Variants in KCNQ1 observed in about 807,000 individuals in gnomAD.
The protein encoded by KCNQ1 is potassium voltage-gated channel subfamily KQT member 1.
A neutral mutation model predicts 72.4 loss-of-function variants in KCNQ1; 49 were observed. The ratio of observed to expected loss-of-function variants is 0.68; its 90% CI spans 0.54 to 0.86. The LOEUF is 0.86. Among genes scored for constraint, KCNQ1 ranks in the 40% least tolerant of loss-of-function variants. KCNQ1 has a pLI of 0.00. For synonymous variants in KCNQ1, 450 were observed against 412.6 expected, an observed-to-expected ratio of 1.09 and a Z score of -1.10; for missense variants, 790 against 945.1, an observed-to-expected ratio of 0.84 and a Z score of 2.15.
chr11:2,655,974 G>C, intron 10 of KCNQ1: 3 of 398,690 alleles, frequency 7.5e-6, no homozygotes, highest in Non-Finnish European at 1.3e-5. Flanking sequence ...CCCACTCTGG[G>C]CAGCCAACTG....
rs750764505 is a variant in KCNQ1 at position 2,595,203 on chromosome 11, C to T, written c.1393+6349C>T. 1.3e-5 allele frequency among the ~76,000 whole-genome samples: 2 copies of T among 152,004 alleles called. No homozygotes were observed. The highest frequency in any genetic ancestry group is 2.9e-5 in the Non-Finnish European group (2 of 67,998). The stretch of plus-strand genomic sequence containing the variant: ...TATAAAATAAAACTGTCTTTATTTG[C>T]AGAAGACATGGTTATCTATGTAGAA... On this transcript the variant is annotated intron_variant, in intron 10 of 15. Transcript: ENST00000155840. The surrounding 1 kb of genome is among the most constrained non-coding windows in gnomAD (Gnocchi z 5.0).
chr11:2,534,851 C>T (rs1369125175), intron 2 of KCNQ1, among the ~76,000 whole-genome samples: 1 of 152,242 alleles, frequency 6.6e-6, no homozygotes, highest in Non-Finnish European at 1.5e-5. Flanking sequence ...TACTGTGTGC[C>T]AGGATCTATG....
intron 10 of KCNQ1, among the ~76,000 whole-genome samples, chr11:2,591,712 G>A (rs550810206): frequency 3.9e-5 from 6 of 152,254 alleles, no homozygotes; most frequent in Non-Finnish European, 8.8e-5. Context: ...ATGTTAATGA[G>A]GGGCAAGTGC....
chr11:2,702,701 A>G (rs1320815665), intron 11 of KCNQ1, among the ~76,000 whole-genome samples: 1 of 152,026 alleles, frequency 6.6e-6, no homozygotes, highest in Non-Finnish European at 1.5e-5. Context: ...TTCCCTGACA[A>G]ATTCCCCGCC....
rs1390941298 is a variant in KCNQ1, at chr11:2,541,729, C to T, written c.477+13711C>T. On this transcript the variant is annotated intron_variant, in intron 2 of 15. Coordinates refer to ENST00000155840, the MANE Select transcript of KCNQ1 (RefSeq NM_000218.3). This position sits in a 1 kb window ranked among gnomAD's most constrained non-coding sequence, Gnocchi z 4.8. Reference sequence around the variant, plus strand: ...GTTTTTTTTTTTTTTTAAATGAGGACATCTGTTAGACCACTTAGGAGTTCT... The same window carrying T: ...GTTTTTTTTTTTTTTTAAATGAGGATATCTGTTAGACCACTTAGGAGTTCT... 6.7e-6 allele frequency among the ~76,000 whole-genome samples: 1 copy of T among 149,010 alleles called. No individual in the cohort carries two copies. Among genetic ancestry groups the T allele is most frequent in the South Asian group, 2.1e-4 (1 of 4,728 alleles).
At position 2,725,697 on chromosome 11, in the gene KCNQ1, G is replaced by T. The variant is rs557395929; in HGVS notation, c.1515-43147G>T. Among the ~76,000 whole-genome samples, 1 of 152,094 alleles carries T rather than the reference G, an allele frequency of 6.6e-6. No individual in the cohort carries two copies. Among genetic ancestry groups the T allele is most frequent in the African/African-American group, 2.4e-5 (1 of 41,424 alleles). On this transcript the variant is annotated intron_variant, in intron 11 of 15. Transcript: ENST00000155840. This position sits in a 1 kb window ranked among gnomAD's most constrained non-coding sequence, Gnocchi z 7.2. ...GGCCCACAGGCTGTGCACTCCAGCC[G>T]AGGGCAGCCTGGGGAAGGTACGAGA...
intron 15 of KCNQ1, among the ~76,000 whole-genome samples, chr11:2,834,090 G>A (rs181837107): frequency 9.2e-5 from 14 of 152,330 alleles, no homozygotes; most frequent in African/African-American, 2.4e-4. Flanking sequence ...TGCTGCATTC[G>A]TGCAGGATGG....
intron 1 of KCNQ1, 77 bp downstream of exon 1, chr11:2,445,561 C>T: frequency 6.6e-7 from 1 of 1,517,600 alleles, no homozygotes; most frequent in Non-Finnish European, 8.9e-7. Context: ...GTCCCAGCGC[C>T]ACCTGCCCCG....
intron 6 of KCNQ1, among the ~76,000 whole-genome samples, chr11:2,581,131 G>C (rs1339085601): frequency 6.6e-6 from 1 of 152,228 alleles, no homozygotes; most frequent in South Asian, 2.1e-4. Context: ...CCAGGTTGCA[G>C]GGGCCCTCCG....
chr11:2,763,676 G>A (rs1282087519), intron 11 of KCNQ1, among the ~76,000 whole-genome samples: 1 of 152,062 alleles, frequency 6.6e-6, no homozygotes, highest in Non-Finnish European at 1.5e-5. Context: ...GCCCATCTCA[G>A]CCTCCTGAGT....
At position 2,583,293 on chromosome 11, in the gene KCNQ1, G is replaced by T. The variant is rs144653098; in HGVS notation, c.922-142G>T. The T allele has an allele frequency of 7.2e-4, 517 of 721,672 alleles. 4 individuals are homozygous for T. Among genetic ancestry groups the T allele is most frequent in the African/African-American group, 7.1e-3 (413 of 57,866 alleles). The allele number at this position is 721,672 out of a possible 1,614,324, so 44.7% of individuals were successfully genotyped here. ...CCGCGGCTCTGTTCCTGGTGCTTTC[G>T]CCGAGTCACACGGGGTCGTCCTGGT... On this transcript the variant is annotated intron_variant, in intron 6 of 15. Coordinates refer to ENST00000155840, the MANE Select transcript of KCNQ1 (RefSeq NM_000218.3).
rs74771060 is a variant in KCNQ1 at position 2,468,681 on chromosome 11, C to T, written c.386+23197C>T. Reference sequence around the variant, plus strand: ...TATTTGGATGGACTCTGGCAGCCAACGCTGGTTTCGTCTGGCTTCTTTTAT... The same window carrying T: ...TATTTGGATGGACTCTGGCAGCCAATGCTGGTTTCGTCTGGCTTCTTTTAT... On this transcript the variant is annotated intron_variant, in intron 1 of 15. Transcript: ENST00000155840. The surrounding 1 kb of genome is among the most constrained non-coding windows in gnomAD (Gnocchi z 5.7). Among the ~76,000 whole-genome samples, 3,034 of 152,278 alleles carry T rather than the reference C, an allele frequency of 0.02. 104 individuals carry two copies. Among genetic ancestry groups the T allele is most frequent in the African/African-American group, 0.07 (2,892 of 41,540 alleles).
chr11:2,820,315 C>A (rs566041918), intron 15 of KCNQ1, among the ~76,000 whole-genome samples: 19 of 152,310 alleles, frequency 1.2e-4, no homozygotes, highest in African/African-American at 3.8e-4. Flanking sequence ...TCTCTTTAAT[C>A]AAAGAGTTAT....
rs755560658 is a variant in KCNQ1 at position 2,508,102 on chromosome 11, C to T, written c.387-19826C>T. On this transcript the variant is annotated intron_variant, in intron 1 of 15. Coordinates refer to ENST00000155840, the MANE Select transcript of KCNQ1 (RefSeq NM_000218.3). The surrounding 1 kb of genome is among the most constrained non-coding windows in gnomAD (Gnocchi z 6.2). ...CGGCCCCACAGAGCTGGCCTGGGCC[C>T]CAGCAGGGGTCTGTGTTGCCTTGGC... Among the ~76,000 whole-genome samples the T allele has an allele frequency of 1.3e-5, 2 of 152,154 alleles. No homozygotes were observed. The highest frequency in any genetic ancestry group is 2.4e-5 in the African/African-American group (1 of 41,454).
Position 2,679,381 on chromosome 11 carries a change from G to T in KCNQ1, c.1514+17300G>T, listed in dbSNP as rs1850348364. The T allele has an allele frequency of 2.5e-6, 1 of 398,512 alleles. No homozygotes were observed. The highest frequency in any genetic ancestry group is 4.4e-5 in the Admixed American group (1 of 22,716). 24.7% of individuals were successfully genotyped at this position (398,512 alleles called of 1,614,324 possible). On this transcript the variant is annotated intron_variant, in intron 11 of 15. Coordinates refer to ENST00000155840, the MANE Select transcript of KCNQ1 (RefSeq NM_000218.3). This position sits in a 1 kb window ranked among gnomAD's most constrained non-coding sequence, Gnocchi z 4.8. ...ACCTTGAGTGAGTCACTTAGTCTCA[G>T]TTTCTTTATTTGTAAAATGGGAATC...
rs1042051945 is a variant in KCNQ1 at position 2,616,962 on chromosome 11, T to C, written c.1393+28108T>C. ...TGTCTGGCTGTACATTATCTTGTTG[T>C]GTTTTTTTTTTTTAATTTTAAAAAT... is the stretch of plus-strand genomic sequence containing the variant. On this transcript the variant is annotated intron_variant, in intron 10 of 15. Transcript: ENST00000155840. The C allele has an allele frequency of 1.2e-5, 4 of 337,912 alleles. No homozygotes were observed. In the Admixed American group the frequency reaches 1.9e-4, roughly 16 times the overall value. 20.9% of individuals were successfully genotyped at this position (337,912 alleles called of 1,614,324 possible).
In KCNQ1 at chr11:2,690,220, G is replaced by T; in HGVS notation, c.1514+28139G>T. ...TAAACTCTGCTGTGTCAAGTGCCTG[G>T]TGACCTCAAGCAAGTCATTCCATGT... On this transcript the variant is annotated intron_variant, in intron 11 of 15. Coordinates refer to ENST00000155840, the MANE Select transcript of KCNQ1 (RefSeq NM_000218.3). The surrounding 1 kb of genome is among the most constrained non-coding windows in gnomAD (Gnocchi z 5.1). 2 of 398,778 alleles carry T rather than the reference G, an allele frequency of 5.0e-6. No individual in the cohort carries two copies. The highest frequency in any genetic ancestry group is 8.8e-6 in the Non-Finnish European group (2 of 226,164). The allele number at this position is 398,778 out of a possible 1,614,324, so 24.7% of individuals were successfully genotyped here.
At chr11:2,780,764 C>T (rs1024348897) in intron 15 of KCNQ1, among the ~76,000 whole-genome samples, 4 of 152,222 alleles carry the variant, frequency 2.6e-5, no homozygotes, top group Admixed American at 1.3e-4. Flanking sequence ...CCTCAGTTTC[C>T]CTGGCAGGGA....
Position 2,662,289 on chromosome 11 carries a change from C to T in KCNQ1, c.1514+208C>T, listed in dbSNP as rs1849973966. 6 of 614,242 alleles carry T rather than the reference C, an allele frequency of 9.8e-6. No homozygotes were observed. The East Asian group carries it at 1.6e-4, about 17-fold the overall frequency. 38.0% of individuals were successfully genotyped at this position (614,242 alleles called of 1,614,324 possible). ...TTCCCACTGAGCCTGGGAACATGAT[C>T]CTCTTGTTTTGACTTATGGAAAACC... is the stretch of plus-strand genomic sequence containing the variant. On this transcript the variant is annotated intron_variant, in intron 11 of 15. Coordinates refer to ENST00000155840, the MANE Select transcript of KCNQ1 (RefSeq NM_000218.3).
Sources: allele counts gnomAD v4.1 joint callset (sites outside exome capture counted in the v4.1 genomes callset), GRCh38; gene constraint gnomAD v4.1.1; non-coding constraint Gnocchi (gnomAD v3.1); transcripts MANE v1.5; gene names NCBI Gene and HGNC (gene_info 2026-07-23, HGNC 2026-07-21).